BBLN: variants seen among roughly 807,000 people sequenced by gnomAD.
BBLN encodes the protein bublin coiled coil protein, also known as bublin coiled-coil protein.
A neutral mutation model predicts 7.6 loss-of-function variants in BBLN; 6 were observed. The observed-to-expected ratio is 0.79, with a 90% CI of 0.43 to 1.55. The LOEUF (loss-of-function observed/expected upper bound fraction) is 1.55, where lower values mean the gene tolerates loss of function less well. BBLN is among the 40% of genes most tolerant of loss of function. BBLN has a pLI of 0.01. For synonymous variants in BBLN, 35 were observed against 46.7 expected, an observed-to-expected ratio of 0.75 and a Z score of 1.02; for missense variants, 100 against 111.1, an observed-to-expected ratio of 0.90 and a Z score of 0.45.
At chr9:128,161,419 G>A (rs1310873884) in intron 1 of BBLN, among the ~76,000 whole-genome samples, 1 of 152,212 alleles carries the variant, frequency 6.6e-6, no homozygotes, top group Non-Finnish European at 1.5e-5. Context: ...GTGGATGTTG[G>A]CAGACAGGAC....
chr9:128,163,252 G>A lies in BBLN; in HGVS notation c.80-191G>A, dbSNP rs1275605383. On this transcript the variant is annotated intron_variant, in intron 1 of 1. Coordinates refer to ENST00000372994, the MANE Select transcript of BBLN (RefSeq NM_024112.4). This position sits in a 1 kb window ranked among gnomAD's most constrained non-coding sequence, Gnocchi z 5.7. ...CTAGAAAAAAGGATGCAGTACTAAA[G>A]TGTCATTCATTCAAAGCCACTCCTC... Among the ~76,000 whole-genome samples, 1 of 152,208 alleles carries A rather than the reference G, an allele frequency of 6.6e-6. No individual in the cohort carries two copies. Among genetic ancestry groups the A allele is most frequent in the East Asian group, 1.9e-4 (1 of 5,204 alleles).
In BBLN at chr9:128,160,380, C is replaced by G. The variant is rs2130882582; in HGVS notation, c.-28C>G. 2.4e-6 allele frequency: 3 copies of G among 1,235,282 alleles called. No homozygotes were observed. Among genetic ancestry groups the G allele is most frequent in the Non-Finnish European group, 3.1e-6 (3 of 980,160 alleles). The allele number at this position is 1,235,282 out of a possible 1,614,324, so 76.5% of individuals were successfully genotyped here. The stretch of plus-strand genomic sequence containing the variant: ...CGACGGTCGCCGCGTTCCATCGTCG[C>G]GCGGCCCTTCGGGCGCCCGAGCCCG... On this transcript the variant is annotated 5_prime_UTR_variant, in exon 1 of 2. Coordinates refer to ENST00000372994, the MANE Select transcript of BBLN (RefSeq NM_024112.4).
At chr9:128,160,912 C>A (rs1317674304) in intron 1 of BBLN, among the ~76,000 whole-genome samples, 2 of 152,164 alleles carry the variant, frequency 1.3e-5, no homozygotes, top group Non-Finnish European at 2.9e-5. Context: ...AGCCTCACAG[C>A]CTTGCCAAAT....
rs760122023 is a variant in BBLN, at chr9:128,163,447, C to T, written c.84C>T (p.Tyr28=). 7 of 1,550,642 alleles carry T rather than the reference C, an allele frequency of 4.5e-6. No individual in the cohort carries two copies. The highest frequency in any genetic ancestry group is 1.4e-5 in the African/African-American group (1 of 72,964). ...TGTCTTTCGCCTTCCTCCCAGAATA[C>T]GCTGCCATCAACTCCATGCTGGACC... ...GEEDGFGEAE[Y]AAINSMLDQI... is the part of the protein sequence containing the mutation. Residue 28 remains tyrosine (Y), a synonymous_variant, in exon 2 of 2, where the codon TAC becomes TAT. Transcript: ENST00000372994. The surrounding 1 kb of genome is among the most constrained non-coding windows in gnomAD (Gnocchi z 5.7).
intron 1 of BBLN, chr9:128,162,281 T>TA (rs1829264548): frequency 6.6e-6 from 1 of 152,188 alleles, no homozygotes; most frequent in Admixed American, 6.5e-5. Flanking sequence ...ATAACCCAGA[T>TA]ACGCTCCTCC....
At position 128,162,134 on chromosome 9, in the gene BBLN, C is replaced by A. The variant is rs180891656; in HGVS notation, c.80-1309C>A. 81 of 152,314 alleles carry A rather than the reference C, an allele frequency of 5.3e-4. 1 individual carries two copies. The highest frequency in any genetic ancestry group is 1.8e-3 in the African/African-American group (73 of 41,556). The allele number at this position is 152,314 out of a possible 1,614,324, so 9.4% of individuals were successfully genotyped here. On this transcript the variant is annotated intron_variant, in intron 1 of 1. Coordinates refer to ENST00000372994, the MANE Select transcript of BBLN (RefSeq NM_024112.4). ...TGGGCAGGTTCCTTCCTTCTGAGGCCTCGGTTTCCCTAGCTATATACCATG... is the reference window on the plus strand; with the variant it reads ...TGGGCAGGTTCCTTCCTTCTGAGGCATCGGTTTCCCTAGCTATATACCATG...
At position 128,163,822 on chromosome 9, in the gene BBLN, C is replaced by T. The variant is rs191192716; in HGVS notation, c.*207C>T. 12 of 512,008 alleles carry T rather than the reference C, an allele frequency of 2.3e-5. No individual in the cohort carries two copies. In the East Asian group the frequency reaches 4.0e-4, roughly 17 times the overall value. The allele number at this position is 512,008 out of a possible 1,614,324, so 31.7% of individuals were successfully genotyped here. A position where few individuals can be genotyped will look rare whatever the true frequency, so the allele number is the denominator to read the frequency against. The stretch of plus-strand genomic sequence containing the variant: ...ACCACCTGGCATGCCCTCCTGGGGC[C>T]AAGAGTGGGCCTGCAACCCACCCAC... On this transcript the variant is annotated 3_prime_UTR_variant, in exon 2 of 2. Transcript: ENST00000372994. This position sits in a 1 kb window ranked among gnomAD's most constrained non-coding sequence, Gnocchi z 5.7.
chr9:128,163,431 C>T lies in BBLN; in HGVS notation c.80-12C>T, dbSNP rs1409716397. On this transcript the variant is annotated splice_polypyrimidine_tract_variant and intron_variant, in intron 1 of 1. Coordinates refer to ENST00000372994, the MANE Select transcript of BBLN (RefSeq NM_024112.4). The surrounding 1 kb of genome is among the most constrained non-coding windows in gnomAD (Gnocchi z 5.7). ...CACAGGATCTGGGCTCTGTCTTTCGCCTTCCTCCCAGAATACGCTGCCATC... is the reference window on the plus strand; with the variant it reads ...CACAGGATCTGGGCTCTGTCTTTCGTCTTCCTCCCAGAATACGCTGCCATC... 6.5e-7 allele frequency: 1 copy of T among 1,533,162 alleles called. No homozygotes were observed. The highest frequency in any genetic ancestry group is 1.4e-5 in the African/African-American group (1 of 72,600). The allele number at this position is 1,533,162 out of a possible 1,614,324, so 95.0% of individuals were successfully genotyped here.
chr9:128,160,589 T>C, intron 1 of BBLN, 103 bp downstream of exon 1: 1 of 821,714 alleles, frequency 1.2e-6, no homozygotes, highest in Non-Finnish European at 1.8e-6. Context: ...AGCCCACCCA[T>C]TCCGCCCCGA....
Position 128,163,680 on chromosome 9 carries a change from C to T in BBLN, c.*65C>T. 7.6e-7 allele frequency: 1 copy of T among 1,320,698 alleles called. No individual in the cohort carries two copies. The highest frequency in any genetic ancestry group is 1.0e-6 in the Non-Finnish European group (1 of 997,918). The allele number at this position is 1,320,698 out of a possible 1,614,324, so 81.8% of individuals were successfully genotyped here. Reference sequence around the variant, plus strand: ...TGGGCTAGGCTCTGGCCTGGGCACTCACCCCCTGGCTTAGACACCTTCTCA... The same window carrying T: ...TGGGCTAGGCTCTGGCCTGGGCACTTACCCCCTGGCTTAGACACCTTCTCA... On this transcript the variant is annotated 3_prime_UTR_variant, in exon 2 of 2. Transcript: ENST00000372994. The surrounding 1 kb of genome is among the most constrained non-coding windows in gnomAD (Gnocchi z 5.7).
At chr9:128,162,900 G>T in intron 1 of BBLN, 1 of 154,470 alleles carries the variant, frequency 6.5e-6, no homozygotes. Flanking sequence ...AAGGAAGATG[G>T]GAGGACCCAG....
intron 1 of BBLN, chr9:128,162,261 A>C (rs1829264356): frequency 6.6e-6 from 1 of 152,304 alleles, no homozygotes; most frequent in Non-Finnish European, 1.5e-5. Context: ...ACACAGGCAC[A>C]TATGCACCCA....
chr9:128,163,793 C>A lies in BBLN; in HGVS notation c.*178C>A. 1.8e-6 allele frequency: 1 copy of A among 563,218 alleles called. No homozygotes were observed. Among genetic ancestry groups the A allele is most frequent in the Non-Finnish European group, 3.0e-6 (1 of 330,450 alleles). The allele number at this position is 563,218 out of a possible 1,614,324, so 34.9% of individuals were successfully genotyped here. A position where few individuals can be genotyped will look rare whatever the true frequency, so the allele number is the denominator to read the frequency against. ...CTCCCCTTGGCCTACCTGGGCCAGC[C>A]CCCACCACCTGGCATGCCCTCCTGG... On this transcript the variant is annotated 3_prime_UTR_variant, in exon 2 of 2. Coordinates refer to ENST00000372994, the MANE Select transcript of BBLN (RefSeq NM_024112.4). The surrounding 1 kb of genome is among the most constrained non-coding windows in gnomAD (Gnocchi z 5.7).
chr9:128,161,546 A>G (rs781229173), intron 1 of BBLN, among the ~76,000 whole-genome samples: 75 of 152,262 alleles, frequency 4.9e-4, no homozygotes, highest in Middle Eastern at 3.4e-3. Flanking sequence ...TGCCTCCCCA[A>G]TTCCTCCTCC....
intron 1 of BBLN, 55 bp downstream of exon 1, chr9:128,160,541 GA>G: frequency 8.8e-7 from 1 of 1,140,304 alleles, no homozygotes. Flanking sequence ...GCCCTCCCGG[GA>G]AGGGGAATCG....
chr9:128,161,182 T>G (rs1253382442), intron 1 of BBLN, among the ~76,000 whole-genome samples: 1 of 151,854 alleles, frequency 6.6e-6, no homozygotes, highest in Non-Finnish European at 1.5e-5. Flanking sequence ...GATTGGCATG[T>G]TAACATACAC....
rs1490067756 is a variant in BBLN at position 128,161,522 on chromosome 9, G to T, written c.79+1036G>T. Among the ~76,000 whole-genome samples, 3 of 152,100 alleles carry T rather than the reference G, an allele frequency of 2.0e-5. No individual in the cohort carries two copies. The East Asian group carries it at 5.8e-4, about 29-fold the overall frequency. ...GACACAGATAAAGCCTGGCCTGGAG[G>T]GGTGTGGGGCACCTGCCTCCCCAAT... On this transcript the variant is annotated intron_variant, in intron 1 of 1. Coordinates refer to ENST00000372994, the MANE Select transcript of BBLN (RefSeq NM_024112.4).
chr9:128,160,854 C>T (rs546361951), intron 1 of BBLN, among the ~76,000 whole-genome samples: 28 of 152,160 alleles, frequency 1.8e-4, no homozygotes, highest in Non-Finnish European at 3.4e-4. Flanking sequence ...GACGCGGGGG[C>T]GTCGCTCTGC....
Position 128,163,349 on chromosome 9 carries a change from C to G in BBLN, c.80-94C>G. On this transcript the variant is annotated intron_variant, in intron 1 of 1. Coordinates refer to ENST00000372994, the MANE Select transcript of BBLN (RefSeq NM_024112.4). The surrounding 1 kb of genome is among the most constrained non-coding windows in gnomAD (Gnocchi z 5.7). ...AAGCAGTAGGGACTTGCACAAAGCC[C>G]TTTGGGAAGCAGGCTGGGAAACAGT... 9 of 1,257,870 alleles carry G rather than the reference C, an allele frequency of 7.2e-6. No individual in the cohort carries two copies. The highest frequency in any genetic ancestry group is 9.8e-6 in the Non-Finnish European group (9 of 922,848). The allele number at this position is 1,257,870 out of a possible 1,614,324, so 77.9% of individuals were successfully genotyped here. A position where few individuals can be genotyped will look rare whatever the true frequency, so the allele number is the denominator to read the frequency against.
Sources: allele counts gnomAD v4.1 joint callset (sites outside exome capture counted in the v4.1 genomes callset), GRCh38; gene constraint gnomAD v4.1.1; non-coding constraint Gnocchi (gnomAD v3.1); transcripts MANE v1.5; gene names NCBI Gene and HGNC (gene_info 2026-07-23, HGNC 2026-07-21).